The following H1-10 variants were observed in gnomAD, a reference collection of about 807,000 sequenced individuals.
H1-10 encodes histone H1.10.
For missense variants in H1-10, 307 were observed against 297.9 expected (o/e 1.03, Z -0.22); for synonymous variants, 191 against 140.9 (o/e 1.36, Z -2.52).
chr3:129,315,254 G>C lies in H1-10; in HGVS notation c.*7C>G. 2.9e-6 allele frequency: 4 copies of C among 1,375,040 alleles called. No individual in the cohort carries two copies. Among genetic ancestry groups the C allele is most frequent in the Non-Finnish European group, 3.8e-6 (4 of 1,065,996 alleles). 85.2% of individuals were successfully genotyped at this position (1,375,040 alleles called of 1,614,324 possible). A position where few individuals can be genotyped will look rare whatever the true frequency, so the allele number is the denominator to read the frequency against. On this transcript the variant is annotated 3_prime_UTR_variant, in exon 1 of 1. Transcript: ENST00000333762. ...CCCACGCCGGCCGCTCTGACCGGCCGACACGCTCACTTGCGGCCCTTGGGC... is the reference window on the plus strand; with the variant it reads ...CCCACGCCGGCCGCTCTGACCGGCCCACACGCTCACTTGCGGCCCTTGGGC...
In H1-10 at chr3:129,315,519, G is replaced by GCGCCGCTCCC; in HGVS notation, c.374_383dup (p.Pro131AlafsTer111). On this transcript the variant is annotated frameshift_variant, in exon 1 of 1. Transcript: ENST00000333762. LOFTEE classifies it low-confidence loss of function (END_TRUNC). ...GGGCGGTGGCGGCCGCCGGGGCTCC[G>GCGCCGCTCCC]CGCCGCTCCCCGCCGCCCTCCAGCT... 1 of 1,537,108 alleles carries GCGCCGCTCCC rather than the reference G, an allele frequency of 6.5e-7. No individual in the cohort carries two copies. The highest frequency in any genetic ancestry group is 8.7e-7 in the Non-Finnish European group (1 of 1,144,890).
chr3:129,316,048 G>C lies in H1-10; in HGVS notation c.-146C>G, dbSNP rs940721950. On this transcript the variant is annotated 5_prime_UTR_variant, in exon 1 of 1. Coordinates refer to ENST00000333762, the MANE Select transcript of H1-10 (RefSeq NM_006026.4). The stretch of plus-strand genomic sequence containing the variant: ...GCGGCCGCGGCCGGGCCTGGGGCCG[G>C]GCGGCAGGGCTGGGGTGGGGGCCGG... 2.5e-5 allele frequency: 5 copies of C among 200,080 alleles called. No individual in the cohort carries two copies. The highest frequency in any genetic ancestry group is 1.2e-4 in the African/African-American group (5 of 41,120). 12.4% of individuals were successfully genotyped at this position (200,080 alleles called of 1,614,324 possible). A position where few individuals can be genotyped will look rare whatever the true frequency, so the allele number is the denominator to read the frequency against.
rs2071305740 is a variant in H1-10 at position 129,316,286 on chromosome 3, T to C, written c.-384A>G. On this transcript the variant is annotated 5_prime_UTR_variant, in exon 1 of 1. Transcript: ENST00000333762. ...CTCGCTGGGCGTGCGCGCTGCGCTCTGGCGGGAGGGCGCTTCTCTCGGCTT... is the reference window on the plus strand; with the variant it reads ...CTCGCTGGGCGTGCGCGCTGCGCTCCGGCGGGAGGGCGCTTCTCTCGGCTT... The C allele has an allele frequency of 6.1e-6, 1 of 163,382 alleles. No homozygotes were observed. The allele number at this position is 163,382 out of a possible 1,614,324, so 10.1% of individuals were successfully genotyped here.
Position 129,315,142 on chromosome 3 carries a change from G to T in H1-10, c.*119C>A. 1 of 883,436 alleles carries T rather than the reference G, an allele frequency of 1.1e-6. No homozygotes were observed. Among genetic ancestry groups the T allele is most frequent in the Non-Finnish European group, 1.5e-6 (1 of 667,616 alleles). 54.7% of individuals were successfully genotyped at this position (883,436 alleles called of 1,614,324 possible). ...GAGAGGACCCGGGGCCCCTCCCTGAGGCTCAGACCAGGCCTCGCGGCCCCG... is the reference window on the plus strand; with the variant it reads ...GAGAGGACCCGGGGCCCCTCCCTGATGCTCAGACCAGGCCTCGCGGCCCCG... On this transcript the variant is annotated 3_prime_UTR_variant, in exon 1 of 1. Coordinates refer to ENST00000333762, the MANE Select transcript of H1-10 (RefSeq NM_006026.4).
chr3:129,315,599 G>C lies in H1-10; in HGVS notation c.304C>G (p.Leu102Val), dbSNP rs890964499. Residue 102 changes from leucine (L) to valine (V), a missense_variant, in exon 1 of 1, where the codon CTT (leucine) becomes GTT (valine). Physicochemically the swap from Leu to Val is conservative, Grantham distance 32 (BLOSUM62 1). Coordinates refer to ENST00000333762, the MANE Select transcript of H1-10 (RefSeq NM_006026.4). ...GCGCCGGTGCCCTTCACCTGCAGAA[G>C]CGTGTCGTTCTGCACCAGCGCCTTG... ...SIKALVQNDT[L>V]LQVKGTGANG... 3.2e-6 allele frequency: 5 copies of C among 1,560,318 alleles called. No homozygotes were observed. Among genetic ancestry groups the C allele is most frequent in the Non-Finnish European group, 4.3e-6 (5 of 1,153,268 alleles).
rs759338972 is a variant in H1-10, at chr3:129,315,360, G to A, written c.543C>T (p.Asp181=). ...CCGTCTTCTTGGCCTTGCCGCCTTT[G>A]TCCTTCTTGGCGCCAGCGCCCTTCT... ...SHKKGAGAKK[D]KGGKAKKTAA... The change falls in exon 1 of 1, where the codon GAC becomes GAT. Residue 181 remains aspartate (D), a synonymous_variant. Coordinates refer to ENST00000333762, the MANE Select transcript of H1-10 (RefSeq NM_006026.4). 1 of 1,546,886 alleles carries A rather than the reference G, an allele frequency of 6.5e-7. No homozygotes were observed. Among genetic ancestry groups the A allele is most frequent in the East Asian group, 2.5e-5 (1 of 39,610 alleles).
chr3:129,315,910 A>C lies in H1-10; in HGVS notation c.-8T>G, dbSNP rs2071299735. On this transcript the variant is annotated 5_prime_UTR_variant, in exon 1 of 1. Transcript: ENST00000333762. ...CTCGAGCTCCACGGACATGGTAGCA[A>C]GAGGATTGGTGGCGGGCGGCGCGCG... is the stretch of plus-strand genomic sequence containing the variant. The C allele has an allele frequency of 6.9e-7, 1 of 1,442,426 alleles. No individual in the cohort carries two copies. Among genetic ancestry groups the C allele is most frequent in the Admixed American group, 1.9e-5 (1 of 51,696 alleles). The allele number at this position is 1,442,426 out of a possible 1,614,324, so 89.4% of individuals were successfully genotyped here.
In H1-10 at chr3:129,315,352, C is replaced by A. The variant is rs149350595; in HGVS notation, c.551G>T (p.Gly184Val). 39 of 1,542,680 alleles carry A rather than the reference C, an allele frequency of 2.5e-5. No homozygotes were observed. In the East Asian group the frequency reaches 6.3e-4, roughly 25 times the overall value. The change falls in exon 1 of 1, where the codon GGC becomes GTC. Residue 184 changes from glycine (G) to valine (V), a missense_variant. Gly to Val is a moderately radical substitution (Grantham distance 109, BLOSUM62 -3). Coordinates refer to ENST00000333762, the MANE Select transcript of H1-10 (RefSeq NM_006026.4). Reference sequence around the variant, plus strand: ...GGCGGCCGCCGTCTTCTTGGCCTTGCCGCCTTTGTCCTTCTTGGCGCCAGC... The same window carrying A: ...GGCGGCCGCCGTCTTCTTGGCCTTGACGCCTTTGTCCTTCTTGGCGCCAGC... The part of the protein sequence containing the change: ...KGAGAKKDKG[G>V]KAKKTAAAGG...
Position 129,315,482 on chromosome 3 carries a change from C to A in H1-10, c.421G>T (p.Ala141Ser). 1 of 1,501,920 alleles carries A rather than the reference C, an allele frequency of 6.7e-7. No individual in the cohort carries two copies. The highest frequency in any genetic ancestry group is 8.8e-7 in the Non-Finnish European group (1 of 1,131,218). The allele number at this position is 1,501,920 out of a possible 1,614,324, so 93.0% of individuals were successfully genotyped here. The change falls in exon 1 of 1, where the codon GCG (alanine) becomes TCG (serine). Residue 141 changes from alanine (A) to serine (S), a missense_variant. Coordinates refer to ENST00000333762, the MANE Select transcript of H1-10 (RefSeq NM_006026.4). ...PAAATAPAPT[A>S]HKAKKAAPGA... ...GGGGCTGCCTTCTTCGCTTTGTGCG[C>A]GGTGGGGGCCGGGGCGGTGGCGGCC...
chr3:129,315,320 T>C lies in H1-10; in HGVS notation c.583A>G (p.Lys195Glu). The C allele has an allele frequency of 6.6e-7, 1 of 1,511,462 alleles. No homozygotes were observed. Among genetic ancestry groups the C allele is most frequent in the Non-Finnish European group, 8.8e-7 (1 of 1,133,680 alleles). The allele number at this position is 1,511,462 out of a possible 1,614,324, so 93.6% of individuals were successfully genotyped here. A position where few individuals can be genotyped will look rare whatever the true frequency, so the allele number is the denominator to read the frequency against. Residue 195 changes from lysine (K) to glutamate (E), a missense_variant, in exon 1 of 1, where the codon AAG (lysine) becomes GAG (glutamate). Lys to Glu is a moderately conservative substitution (Grantham distance 56). Coordinates refer to ENST00000333762, the MANE Select transcript of H1-10 (RefSeq NM_006026.4). ...KAKKTAAAGG[K>E]KVKKAAKPSV... ...GGCTTGGCCGCCTTCTTCACCTTCT[T>C]GCCCCCGGCGGCCGCCGTCTTCTTG...
At position 129,315,773 on chromosome 3, in the gene H1-10, G is replaced by A. The variant is rs1210871611; in HGVS notation, c.130C>T (p.Gln44Ter). Residue 44 changes from glutamine to a stop codon, truncating the protein, a stop_gained, in exon 1 of 1, where the codon CAG (glutamine) becomes TAG (stop). Transcript: ENST00000333762. LOFTEE classifies it low-confidence loss of function (END_TRUNC). ...KKRKNSKKKNQPGKYSQLVVE... is the reference protein window; with the variant it reads ...KKRKNSKKKN Reference sequence around the variant, plus strand: ...ACCAGCTGGCTGTACTTGCCCGGCTGGTTCTTCTTCTTGCTATTCTTCCTC... The same window carrying A: ...ACCAGCTGGCTGTACTTGCCCGGCTAGTTCTTCTTCTTGCTATTCTTCCTC... 15 of 1,603,998 alleles carry A rather than the reference G, an allele frequency of 9.4e-6. No individual in the cohort carries two copies. Among genetic ancestry groups the A allele is most frequent in the Non-Finnish European group, 1.3e-5 (15 of 1,175,942 alleles).
At position 129,315,267 on chromosome 3, in the gene H1-10, G is replaced by C; in HGVS notation, c.636C>G (p.Arg212=). The C allele has an allele frequency of 7.1e-7, 1 of 1,411,426 alleles. No individual in the cohort carries two copies. Among genetic ancestry groups the C allele is most frequent in the Non-Finnish European group, 9.2e-7 (1 of 1,084,160 alleles). 87.4% of individuals were successfully genotyped at this position (1,411,426 alleles called of 1,614,324 possible). The change falls in exon 1 of 1, where the codon CGC becomes CGG. Residue 212 remains arginine (R), a synonymous_variant. Transcript: ENST00000333762. The part of the protein sequence containing the change: ...KPSVPKVPKG[R]K The stretch of plus-strand genomic sequence containing the variant: ...CTCTGACCGGCCGACACGCTCACTT[G>C]CGGCCCTTGGGCACTTTGGGGACGC...
Position 129,315,491 on chromosome 3 carries a change from C to A in H1-10, c.412G>T (p.Ala138Ser). ...TTCTTCGCTTTGTGCGCGGTGGGGGCCGGGGCGGTGGCGGCCGCCGGGGCT... is the reference window on the plus strand; with the variant it reads ...TTCTTCGCTTTGTGCGCGGTGGGGGACGGGGCGGTGGCGGCCGCCGGGGCT... Reference protein sequence around the residue: ...RGAPAAATAPAPTAHKAKKAA... With the variant: ...RGAPAAATAPSPTAHKAKKAA... The change falls in exon 1 of 1, where the codon GCC becomes TCC. Residue 138 changes from alanine (A) to serine (S), a missense_variant. Coordinates refer to ENST00000333762, the MANE Select transcript of H1-10 (RefSeq NM_006026.4). 1 of 1,527,362 alleles carries A rather than the reference C, an allele frequency of 6.5e-7. No individual in the cohort carries two copies. 94.6% of individuals were successfully genotyped at this position (1,527,362 alleles called of 1,614,324 possible).
rs1479527902 is a variant in H1-10 at position 129,315,384 on chromosome 3, C to G, written c.519G>C (p.Lys173Asn). 1 of 1,543,014 alleles carries G rather than the reference C, an allele frequency of 6.5e-7. No individual in the cohort carries two copies. The highest frequency in any genetic ancestry group is 8.7e-7 in the Non-Finnish European group (1 of 1,151,034). The stretch of plus-strand genomic sequence containing the variant: ...TGTCCTTCTTGGCGCCAGCGCCCTT[C>G]TTGTGCGAGCGCTGCTCCGGCTTCT... ...RGQKPEQRSH[K>N]KGAGAKKDKG... Residue 173 changes from lysine to asparagine, a missense_variant, in exon 1 of 1, where the codon AAG (lysine) becomes AAC (asparagine). Lys to Asn is a moderately conservative substitution (Grantham distance 94, BLOSUM62 0). Transcript: ENST00000333762.
In H1-10 at chr3:129,315,082, G is replaced by A. The variant is rs2071288192; in HGVS notation, c.*179C>T. On this transcript the variant is annotated 3_prime_UTR_variant, in exon 1 of 1. Coordinates refer to ENST00000333762, the MANE Select transcript of H1-10 (RefSeq NM_006026.4). ...GTTTCAAAAACCTAAAGCAAACAACGAAAAACGCTACATCGTTGGGGGAGG... is the reference window on the plus strand; with the variant it reads ...GTTTCAAAAACCTAAAGCAAACAACAAAAAACGCTACATCGTTGGGGGAGG... 1 of 461,264 alleles carries A rather than the reference G, an allele frequency of 2.2e-6. No individual in the cohort carries two copies. The highest frequency in any genetic ancestry group is 3.5e-6 in the Non-Finnish European group (1 of 284,978). The allele number at this position is 461,264 out of a possible 1,614,324, so 28.6% of individuals were successfully genotyped here. A position where few individuals can be genotyped will look rare whatever the true frequency, so the allele number is the denominator to read the frequency against.
rs749038533 is a variant in H1-10, at chr3:129,314,942, A to G, written c.*319T>C. 1 of 206,170 alleles carries G rather than the reference A, an allele frequency of 4.9e-6. No individual in the cohort carries two copies. The highest frequency in any genetic ancestry group is 9.6e-6 in the Non-Finnish European group (1 of 104,194). 12.8% of individuals were successfully genotyped at this position (206,170 alleles called of 1,614,324 possible). On this transcript the variant is annotated 3_prime_UTR_variant, in exon 1 of 1. Transcript: ENST00000333762. ...GTCCCCGCGCGCCTGGGCCCGGCCA[A>G]CCAGCGACCCCGCCCGGTGGGCAGG...
Position 129,315,479 on chromosome 3 carries a change from G to T in H1-10, c.424C>A (p.His142Asn). Residue 142 changes from histidine (H) to asparagine (N), a missense_variant, in exon 1 of 1, where the codon CAC becomes AAC. By Grantham distance (68) the His-to-Asn change is moderately conservative. Coordinates refer to ENST00000333762, the MANE Select transcript of H1-10 (RefSeq NM_006026.4). ...CCCGGGGCTGCCTTCTTCGCTTTGT[G>T]CGCGGTGGGGGCCGGGGCGGTGGCG... is the stretch of plus-strand genomic sequence containing the variant. ...AAATAPAPTA[H>N]KAKKAAPGAA... is the part of the protein sequence containing the mutation. 1 of 1,504,410 alleles carries T rather than the reference G, an allele frequency of 6.6e-7. No homozygotes were observed. The allele number at this position is 1,504,410 out of a possible 1,614,324, so 93.2% of individuals were successfully genotyped here.
rs1396190581 is a variant in H1-10 at position 129,315,351 on chromosome 3, G to C, written c.552C>G (p.Gly184=). 4 of 1,541,052 alleles carry C rather than the reference G, an allele frequency of 2.6e-6. No homozygotes were observed. The highest frequency in any genetic ancestry group is 3.7e-5 in the Admixed American group (2 of 54,780). The change falls in exon 1 of 1, where the codon GGC becomes GGG. Residue 184 remains glycine (G), a synonymous_variant. Transcript: ENST00000333762. ...KGAGAKKDKG[G]KAKKTAAAGG... is the part of the protein sequence containing the mutation. ...CGGCGGCCGCCGTCTTCTTGGCCTT[G>C]CCGCCTTTGTCCTTCTTGGCGCCAG...
At position 129,315,638 on chromosome 3, in the gene H1-10, G is replaced by C; in HGVS notation, c.265C>G (p.Leu89Val). 6.3e-7 allele frequency: 1 copy of C among 1,586,944 alleles called. No homozygotes were observed. The highest frequency in any genetic ancestry group is 8.6e-7 in the Non-Finnish European group (1 of 1,167,966). The change falls in exon 1 of 1, where the codon CTC becomes GTC. Residue 89 changes from leucine to valine, a missense_variant. By Grantham distance (32) the Leu-to-Val change is conservative. Coordinates refer to ENST00000333762, the MANE Select transcript of H1-10 (RefSeq NM_006026.4). ...ACCAGCGCCTTGATCGAGTACTTGAGGTAGGTGCGCCCATTCTGCTGGTCG... is the reference window on the plus strand; with the variant it reads ...ACCAGCGCCTTGATCGAGTACTTGACGTAGGTGCGCCCATTCTGCTGGTCG... ...WFDQQNGRTY[L>V]KYSIKALVQN...
Sources: gnomAD v4.1 joint callset for allele counts on GRCh38, gnomAD v4.1.1 for gene constraint, MANE v1.5 for transcripts, NCBI Gene and HGNC (gene_info 2026-07-23, HGNC 2026-07-21) for gene names.